The following RAD51B variants were observed in gnomAD, a reference collection of about 807,000 sequenced individuals.
RAD51B encodes the protein RAD51 paralog B, also known as DNA repair protein RAD51 homolog 2.
In RAD51B, 38 loss-of-function variants were observed where a neutral mutation model predicts 42.2. The ratio of observed to expected loss-of-function variants is 0.90; its 90% CI spans 0.70 to 1.18. The LOEUF (loss-of-function observed/expected upper bound fraction) is 1.18, where lower values mean the gene tolerates loss of function less well. Among genes scored for constraint, RAD51B ranks in the 50% most tolerant of loss-of-function variants. RAD51B has a pLI of 0.00. For missense variants in RAD51B, 373 were observed against 400.7 expected, an observed-to-expected ratio of 0.93 and a Z score of 0.59; for synonymous variants, 154 against 145.2, an observed-to-expected ratio of 1.06 and a Z score of -0.43.
downstream of RAD51B, among the ~76,000 whole-genome samples, chr14:68,482,120 GAAAGTAATTACTTTTA>G: frequency 1.9e-5 from 1 of 51,406 alleles, no homozygotes; most frequent in South Asian, 2.0e-3. Context: ...TACTTTTACT[GAAAGTAATTACTTTTA>G]CTGAAAGTAA....
At chr14:68,248,956 G>T (rs1164830978) in intron 7 of RAD51B, among the ~76,000 whole-genome samples, 1 of 152,228 alleles carries the variant, frequency 6.6e-6, no homozygotes, top group Non-Finnish European at 1.5e-5. Flanking sequence ...AGGGTCTGGG[G>T]GTAAGGCACC....
chr14:68,605,168 C>T lies in RAD51B; in HGVS notation c.1037-5838C>T, dbSNP rs193259776. 1.2e-4 allele frequency among the ~76,000 whole-genome samples: 18 copies of T among 152,244 alleles called. No homozygotes were observed. In the East Asian group the frequency reaches 1.7e-3, roughly 15 times the overall value. On this transcript the variant is annotated intron_variant, in intron 10 of 10. Transcript: ENST00000487861. ...ATGCACTCTTTCACATTTCTGGATCCGAGAAGTCCAAAATCAAGGTGTCAC... is the reference window on the plus strand; with the variant it reads ...ATGCACTCTTTCACATTTCTGGATCTGAGAAGTCCAAAATCAAGGTGTCAC...
At chr14:68,406,976 G>A (rs1245810803) in intron 8 of RAD51B, among the ~76,000 whole-genome samples, 1 of 151,952 alleles carries the variant, frequency 6.6e-6, no homozygotes, top group African/African-American at 2.4e-5. Context: ...AGTCTTCAGG[G>A]GCAATAACAC....
At chr14:68,510,409 T>A (rs375426879) in intron 10 of RAD51B, among the ~76,000 whole-genome samples, 42 of 152,254 alleles carry the variant, frequency 2.8e-4, no homozygotes, top group African/African-American at 8.2e-4. Context: ...CATGTGGTTT[T>A]CATTACTTTG....
intron 7 of RAD51B, among the ~76,000 whole-genome samples, chr14:67,979,594 C>T (rs1369603506): frequency 6.6e-6 from 1 of 152,120 alleles, no homozygotes; most frequent in Non-Finnish European, 1.5e-5. Context: ...CAATATTTCT[C>T]CCAAATCTGA....
chr14:67,951,221 A>T (rs1366197937), intron 7 of RAD51B, among the ~76,000 whole-genome samples: 2 of 152,210 alleles, frequency 1.3e-5, no homozygotes, highest in Non-Finnish European at 2.9e-5. Flanking sequence ...AGTACAGGTG[A>T]GGTATGCCTG....
At chr14:68,293,776 G>A (rs2081560298) in intron 8 of RAD51B, among the ~76,000 whole-genome samples, 1 of 152,156 alleles carries the variant, frequency 6.6e-6, no homozygotes, top group Non-Finnish European at 1.5e-5. Context: ...AAAAAGTCTA[G>A]AAAATTAATT....
At chr14:68,646,712 A>G (rs1282600273) in intron 10 of RAD51B, among the ~76,000 whole-genome samples, 2 of 152,124 alleles carry the variant, frequency 1.3e-5, no homozygotes, top group East Asian at 3.8e-4. Context: ...TGTTTTCTAC[A>G]TTTAACCGTC....
At chr14:68,237,760 G>A (rs1161050768) in intron 7 of RAD51B, among the ~76,000 whole-genome samples, 25 of 141,384 alleles carry the variant, frequency 1.8e-4, no homozygotes, top group Middle Eastern at 3.6e-3. Flanking sequence ...TTTTTGAGAC[G>A]GAGTCTTGCT....
chr14:68,102,790 T>G (rs1263698164), intron 7 of RAD51B, among the ~76,000 whole-genome samples: 1 of 152,162 alleles, frequency 6.6e-6, no homozygotes, highest in African/African-American at 2.4e-5. Context: ...CACCCCACTC[T>G]ACTGGTACCA....
At chr14:68,190,725 T>A (rs1595530954) in intron 7 of RAD51B, among the ~76,000 whole-genome samples, 1 of 152,306 alleles carries the variant, frequency 6.6e-6, no homozygotes, top group Middle Eastern at 3.4e-3. Flanking sequence ...ACTCCATTTT[T>A]AAAAAGTTAG....
intron 3 of RAD51B, among the ~76,000 whole-genome samples, chr14:67,828,705 T>C (rs951646787): frequency 1.3e-5 from 2 of 152,324 alleles, no homozygotes; most frequent in South Asian, 2.1e-4. Flanking sequence ...TTTCCTCATA[T>C]GGCTAGTCAG....
At chr14:68,249,292 A>G (rs2080569256) in intron 7 of RAD51B, among the ~76,000 whole-genome samples, 1 of 152,196 alleles carries the variant, frequency 6.6e-6, no homozygotes, top group Admixed American at 6.5e-5. Flanking sequence ...CTGCGGAAAT[A>G]CTTCTTTGGA....
intron 10 of RAD51B, among the ~76,000 whole-genome samples, chr14:68,581,738 C>T (rs917850477): frequency 7.2e-5 from 11 of 152,160 alleles, no homozygotes; most frequent in East Asian, 1.9e-4. Context: ...GGAGGCATCA[C>T]GCTACCTGAC....
intron 7 of RAD51B, among the ~76,000 whole-genome samples, chr14:67,937,734 T>TC (rs2140172350): frequency 6.6e-6 from 1 of 152,202 alleles, no homozygotes; most frequent in South Asian, 2.1e-4. Flanking sequence ...GGTCCATCTC[T>TC]CCCAGTATTC....
chr14:68,293,018 T>C (rs2081544795), intron 8 of RAD51B, among the ~76,000 whole-genome samples: 1 of 152,202 alleles, frequency 6.6e-6, no homozygotes, highest in Non-Finnish European at 1.5e-5. Flanking sequence ...CGCATGTATC[T>C]TTCCTTTGTC....
At chr14:68,095,202 G>C (rs1009901475) in intron 7 of RAD51B, among the ~76,000 whole-genome samples, 2 of 152,054 alleles carry the variant, frequency 1.3e-5, no homozygotes, top group African/African-American at 4.8e-5. Flanking sequence ...AGATGAATGA[G>C]TTATTTCATT....
chr14:68,190,793 T>C (rs2140904931), intron 7 of RAD51B, among the ~76,000 whole-genome samples: 1 of 152,354 alleles, frequency 6.6e-6, no homozygotes, highest in Non-Finnish European at 1.5e-5. Context: ...GGATGTAATC[T>C]GTGCTCAGTA....
intron 7 of RAD51B, among the ~76,000 whole-genome samples, chr14:68,205,836 G>A (rs971738109): frequency 3.3e-5 from 5 of 151,934 alleles, no homozygotes; most frequent in Admixed American, 6.6e-5. Context: ...CAAATACTTC[G>A]GTGTGGTATT....
Sources: allele counts gnomAD v4.1 joint callset (sites outside exome capture counted in the v4.1 genomes callset), GRCh38; gene constraint gnomAD v4.1.1; transcripts MANE v1.5; gene names NCBI Gene and HGNC (gene_info 2026-07-23, HGNC 2026-07-21).